Variants in PDIA4 observed in about 807,000 individuals in gnomAD.
PDIA4 encodes protein disulfide isomerase family A member 4, also known as protein disulfide-isomerase A4.
In PDIA4, 33 loss-of-function variants were observed where a neutral mutation model predicts 62.1. That is an observed-to-expected ratio of 0.53 (90% CI 0.40 to 0.71). PDIA4 has a LOEUF of 0.71. Ranked by LOEUF, PDIA4 falls within the 30% of genes least tolerant of loss-of-function variation. The pLI is 0.00. For missense variants in PDIA4, 804 were observed against 813.6 expected, an observed-to-expected ratio of 0.99 and a Z score of 0.14; for synonymous variants, 341 against 324.1, an observed-to-expected ratio of 1.05 and a Z score of -0.56.
chr7:149,028,224 G>A (rs1824628715), intron 1 of PDIA4, 97 bp downstream of exon 1: 4 of 874,350 alleles, frequency 4.6e-6, no homozygotes, highest in Non-Finnish European at 6.8e-6. Context: ...AGCTGACCGC[G>A]CGGAAGCCCG....
chr7:149,009,813 G>C (rs895898721), intron 6 of PDIA4, among the ~76,000 whole-genome samples: 4 of 152,164 alleles, frequency 2.6e-5, no homozygotes, highest in African/African-American at 4.8e-5. Flanking sequence ...TGGGTGTGTG[G>C]GCCACAGTGT....
intron 3 of PDIA4, among the ~76,000 whole-genome samples, chr7:149,016,728 G>T (rs897042676): frequency 1.3e-5 from 2 of 152,018 alleles, no homozygotes; most frequent in African/African-American, 2.4e-5. Flanking sequence ...AGCCAGGATG[G>T]TCTCGATCTC....
intron 1 of PDIA4, among the ~76,000 whole-genome samples, chr7:149,027,157 C>T (rs1824586505): frequency 6.6e-6 from 1 of 152,168 alleles, no homozygotes; most frequent in African/African-American, 2.4e-5. Flanking sequence ...ACGCAGATTC[C>T]GGGGCCCACC....
chr7:149,027,890 A>G (rs1308459848), intron 1 of PDIA4: 1 of 480,172 alleles, frequency 2.1e-6, no homozygotes, highest in Non-Finnish European at 4.3e-6. Context: ...AAGAACTCGC[A>G]CTTGTTTCTT....
At position 149,003,773 on chromosome 7, in the gene PDIA4, C is replaced by T; in HGVS notation, c.*21G>A. The T allele has an allele frequency of 6.7e-6, 10 of 1,494,964 alleles. No homozygotes were observed. Among genetic ancestry groups the T allele is most frequent in the Non-Finnish European group, 8.0e-6 (9 of 1,122,690 alleles). 92.6% of individuals were successfully genotyped at this position (1,494,964 alleles called of 1,614,324 possible). A position where few individuals can be genotyped will look rare whatever the true frequency, so the allele number is the denominator to read the frequency against. ...CACGCAGGGCGTCTGCCTCCTCCCA[C>T]CTTCCGCAGACCTCAGGCCTTCAAA... On this transcript the variant is annotated 3_prime_UTR_variant, in exon 10 of 10. Coordinates refer to ENST00000652332, the MANE Select transcript of PDIA4 (RefSeq NM_004911.5).
chr7:149,025,975 A>G (rs951394136), intron 1 of PDIA4, among the ~76,000 whole-genome samples: 1 of 152,142 alleles, frequency 6.6e-6, no homozygotes, highest in Non-Finnish European at 1.5e-5. Flanking sequence ...CTGCAACCGG[A>G]GGCTTAAACC....
intron 2 of PDIA4, among the ~76,000 whole-genome samples, chr7:149,019,861 T>C (rs1358019199): frequency 6.6e-6 from 1 of 152,204 alleles, no homozygotes. Context: ...ATGGTAAATA[T>C]TGATAAACAT....
intron 8 of PDIA4, 151 bp downstream of exon 8, chr7:149,005,746 T>C (rs781668573): frequency 1.4e-5 from 8 of 591,690 alleles, no homozygotes; most frequent in Middle Eastern, 8.7e-4. Context: ...TTAAAAAATA[T>C]ACCTGAGCCA....
Position 149,028,492 on chromosome 7 carries a change from C to A in PDIA4, c.-84G>T. On this transcript the variant is annotated 5_prime_UTR_variant, in exon 1 of 10. Coordinates refer to ENST00000652332, the MANE Select transcript of PDIA4 (RefSeq NM_004911.5). ...TCGGGGTCTGGCCGACAGCCCGTCG[C>A]TCCTTAGCGACGCGGGGGAGCCGGA... 1 of 967,196 alleles carries A rather than the reference C, an allele frequency of 1.0e-6. No individual in the cohort carries two copies. The highest frequency in any genetic ancestry group is 1.4e-6 in the Non-Finnish European group (1 of 691,952). 59.9% of individuals were successfully genotyped at this position (967,196 alleles called of 1,614,324 possible).
In PDIA4 at chr7:149,003,763, C is replaced by T. The variant is rs1006626767; in HGVS notation, c.*31G>A. 1.1e-5 allele frequency: 16 copies of T among 1,482,386 alleles called. 1 individual carries two copies. The South Asian group carries it at 2.3e-4, about 22-fold the overall frequency. The allele number at this position is 1,482,386 out of a possible 1,614,324, so 91.8% of individuals were successfully genotyped here. A position where few individuals can be genotyped will look rare whatever the true frequency, so the allele number is the denominator to read the frequency against. On this transcript the variant is annotated 3_prime_UTR_variant, in exon 10 of 10. Transcript: ENST00000652332. Reference sequence around the variant, plus strand: ...GACCATGGGCCACGCAGGGCGTCTGCCTCCTCCCACCTTCCGCAGACCTCA... The same window carrying T: ...GACCATGGGCCACGCAGGGCGTCTGTCTCCTCCCACCTTCCGCAGACCTCA...
chr7:149,022,395 T>C (rs1444784922), intron 1 of PDIA4, among the ~76,000 whole-genome samples: 1 of 151,852 alleles, frequency 6.6e-6, no homozygotes, highest in Non-Finnish European at 1.5e-5. Context: ...GTTCAACTTA[T>C]TTTATTTTAT....
chr7:149,018,881 G>A (rs1250019858), intron 3 of PDIA4, 111 bp downstream of exon 3: 1 of 615,430 alleles, frequency 1.6e-6, no homozygotes, highest in Non-Finnish European at 2.9e-6. Flanking sequence ...GAGGGCTAAG[G>A]TTCCTGAGAA....
At chr7:149,006,196 C>T in intron 7 of PDIA4, 143 bp from the exon 8 acceptor site, 1 of 711,136 alleles carries the variant, frequency 1.4e-6, no homozygotes, top group Non-Finnish European at 2.1e-6. Flanking sequence ...CTCGACCCCA[C>T]TCAAGCACAG....
intron 1 of PDIA4, among the ~76,000 whole-genome samples, chr7:149,026,046 G>A (rs750360238): frequency 1.1e-4 from 16 of 151,602 alleles, no homozygotes; most frequent in Non-Finnish European, 1.9e-4. Context: ...TAAGTACCTA[G>A]ACACCACTGT....
intron 1 of PDIA4, among the ~76,000 whole-genome samples, chr7:149,024,976 T>A (rs1298160152): frequency 6.9e-6 from 1 of 145,180 alleles, no homozygotes; most frequent in Non-Finnish European, 1.5e-5. Context: ...AATACAAAAT[T>A]AGCTGGGCGT....
At chr7:149,027,910 G>C (rs141711097) in intron 1 of PDIA4, 5,207 of 485,718 alleles carry the variant, frequency 0.011, 46 homozygotes, top group Non-Finnish European at 0.015. Context: ...TCACGCCCTC[G>C]CCCCTTCTCT....
rs142057859 is a variant in PDIA4 at position 149,005,359 on chromosome 7, C to T, written c.1304G>A (p.Arg435Gln). ...CTTGGCCACCTCTAGGACTTTGCTCCGCCAAAACTGAGTTGCTGAAAGGGA... is the reference window on the plus strand; with the variant it reads ...CTTGGCCACCTCTAGGACTTTGCTCTGCCAAAACTGAGTTGCTGAAAGGGA... ...FDYRAATQFW[R>Q]SKVLEVAKDF... Residue 435 changes from arginine (R) to glutamine (Q), a missense_variant, in exon 9 of 10, where the codon CGG (arginine) becomes CAG (glutamine). Transcript: ENST00000652332. The T allele has an allele frequency of 3.1e-4, 493 of 1,613,778 alleles. 1 individual carries two copies. The highest frequency in any genetic ancestry group is 4.0e-4 in the Non-Finnish European group (475 of 1,179,712).
In PDIA4 at chr7:149,028,048, C is replaced by T; in HGVS notation, c.88+273G>A. 3.1e-6 allele frequency: 2 copies of T among 635,554 alleles called. 1 individual carries two copies. Among genetic ancestry groups the T allele is most frequent in the South Asian group, 3.1e-5 (2 of 64,770 alleles). 39.4% of individuals were successfully genotyped at this position (635,554 alleles called of 1,614,324 possible). ...AAAAAGGCGCTCTGCAGCCCTCTCC[C>T]AGCCTCGGGTGACAGGGGTCTTCCA... On this transcript the variant is annotated intron_variant, in intron 1 of 9. Coordinates refer to ENST00000652332, the MANE Select transcript of PDIA4 (RefSeq NM_004911.5).
intron 6 of PDIA4, among the ~76,000 whole-genome samples, chr7:149,011,570 T>C (rs918077696): frequency 6.6e-6 from 1 of 152,202 alleles, no homozygotes; most frequent in African/African-American, 2.4e-5. Context: ...CGGCACCTTA[T>C]GGCCTGAAGA....
Sources: allele counts gnomAD v4.1 joint callset (sites outside exome capture counted in the v4.1 genomes callset), GRCh38; gene constraint gnomAD v4.1.1; transcripts MANE v1.5; gene names NCBI Gene and HGNC (gene_info 2026-07-23, HGNC 2026-07-21).